ZNF385B: variants seen among roughly 807,000 people sequenced by gnomAD.
ZNF385B encodes zinc finger protein 533.
A neutral mutation model predicts 39.2 loss-of-function variants in ZNF385B; 23 were observed. That is an observed-to-expected ratio of 0.59 (90% CI 0.42 to 0.83). The LOEUF (loss-of-function observed/expected upper bound fraction) is 0.83. ZNF385B is among the 40% of genes least tolerant of loss of function. ZNF385B has a pLI of 0.00. For missense variants in ZNF385B, 552 were observed against 598.9 expected (o/e 0.92, Z 0.82); for synonymous variants, 205 against 222.6 (o/e 0.92, Z 0.70).
intron 1 of ZNF385B, among the ~76,000 whole-genome samples, chr2:179,849,788 T>C (rs1329310127): frequency 6.6e-6 from 1 of 152,170 alleles, no homozygotes; most frequent in Non-Finnish European, 1.5e-5. Flanking sequence ...TCAATTAGCT[T>C]ACAGTCTAGT....
intron 1 of ZNF385B, among the ~76,000 whole-genome samples, chr2:179,777,715 ATAAT>A (rs1042903815): frequency 9.9e-5 from 15 of 152,140 alleles, no homozygotes; most frequent in African/African-American, 3.6e-4. Flanking sequence ...CCTCAAAGAG[ATAAT>A]TAAGTAATAC....
chr2:179,547,874 T>C (rs952961014), intron 3 of ZNF385B, among the ~76,000 whole-genome samples: 1 of 149,706 alleles, frequency 6.7e-6, no homozygotes. Context: ...TTCCATTTCC[T>C]TGTGTGTGTC....
intron 3 of ZNF385B, among the ~76,000 whole-genome samples, chr2:179,712,804 T>C (rs1700085443): frequency 6.6e-6 from 1 of 152,230 alleles, no homozygotes; most frequent in Non-Finnish European, 1.5e-5. Context: ...CTCCCTTCAA[T>C]CCATTGTGTA....
intron 1 of ZNF385B, among the ~76,000 whole-genome samples, chr2:179,851,226 G>C (rs538520407): frequency 2.6e-5 from 4 of 152,318 alleles, no homozygotes; most frequent in South Asian, 2.1e-4. Flanking sequence ...CAAGGCAGGA[G>C]GACTGCTTGA....
At chr2:179,741,696 A>G (rs774148089) in intron 3 of ZNF385B, among the ~76,000 whole-genome samples, 3 of 152,118 alleles carry the variant, frequency 2.0e-5, no homozygotes, top group Non-Finnish European at 4.4e-5. Context: ...AAATCTACCT[A>G]TAAATATTTT....
At chr2:179,790,326 T>C (rs1004833972) in intron 1 of ZNF385B, among the ~76,000 whole-genome samples, 3 of 152,204 alleles carry the variant, frequency 2.0e-5, no homozygotes, top group African/African-American at 7.2e-5. Context: ...ATTGTTGTTA[T>C]TGACTGACAG....
At chr2:179,553,889 C>T (rs922076616) in intron 3 of ZNF385B, among the ~76,000 whole-genome samples, 2 of 148,524 alleles carry the variant, frequency 1.3e-5, no homozygotes, top group African/African-American at 5.1e-5. Context: ...ATTAAGATGA[C>T]ACAGGCAACA....
chr2:179,824,033 G>A (rs1575557952), intron 1 of ZNF385B, among the ~76,000 whole-genome samples: 1 of 152,084 alleles, frequency 6.6e-6, no homozygotes, highest in Admixed American at 6.6e-5. Flanking sequence ...TCATACCTTA[G>A]TATGAAGATC....
At chr2:179,651,567 C>G (rs1456093328) in intron 3 of ZNF385B, among the ~76,000 whole-genome samples, 2 of 152,140 alleles carry the variant, frequency 1.3e-5, no homozygotes, top group Non-Finnish European at 2.9e-5. Flanking sequence ...TTCCCAGTTA[C>G]TTGAATAGAC....
At chr2:179,758,822 C>T (rs549426477) in intron 3 of ZNF385B, among the ~76,000 whole-genome samples, 6 of 152,192 alleles carry the variant, frequency 3.9e-5, no homozygotes, top group South Asian at 2.1e-4. Flanking sequence ...TGCAGCTCCA[C>T]GGGTGTGCAC....
intron 6 of ZNF385B, among the ~76,000 whole-genome samples, chr2:179,460,270 G>C (rs1342638035): frequency 1.3e-5 from 2 of 152,140 alleles, no homozygotes; most frequent in African/African-American, 4.8e-5. Flanking sequence ...ATCTAACATG[G>C]CTGACTCCAT....
intron 3 of ZNF385B, among the ~76,000 whole-genome samples, chr2:179,623,255 T>C (rs531961002): frequency 6.6e-6 from 1 of 152,130 alleles, no homozygotes; most frequent in African/African-American, 2.4e-5. Context: ...GAGAGGAAAT[T>C]CTAGTGGACA....
chr2:179,523,693 G>T (rs2058670846), intron 4 of ZNF385B, among the ~76,000 whole-genome samples: 1 of 152,094 alleles, frequency 6.6e-6, no homozygotes, highest in Non-Finnish European at 1.5e-5. Context: ...AGTCTTAAAA[G>T]GATTTAACTA....
chr2:179,665,618 C>T (rs553523236), intron 3 of ZNF385B, among the ~76,000 whole-genome samples: 1 of 152,264 alleles, frequency 6.6e-6, no homozygotes, highest in African/African-American at 2.4e-5. Context: ...CAACATGGTT[C>T]GAACTAGTCA....
chr2:179,488,426 G>A (rs1241358885), intron 5 of ZNF385B, among the ~76,000 whole-genome samples: 1 of 152,200 alleles, frequency 6.6e-6, no homozygotes, highest in Non-Finnish European at 1.5e-5. Flanking sequence ...TTACAGGCGA[G>A]AGCCACTGCG....
At chr2:179,460,267 A>G (rs936961493) in intron 6 of ZNF385B, among the ~76,000 whole-genome samples, 1 of 152,184 alleles carries the variant, frequency 6.6e-6, no homozygotes, top group Admixed American at 6.5e-5. Context: ...GATATCTAAC[A>G]TGGCTGACTC....
rs537171157 is a variant in ZNF385B at position 179,538,215 on chromosome 2, C to T, written c.441+6612G>A. Among the ~76,000 whole-genome samples, 5 of 151,782 alleles carry T rather than the reference C, an allele frequency of 3.3e-5. No homozygotes were observed. The South Asian group carries it at 1.0e-3, about 32-fold the overall frequency. ...ATGACAGCAAGCACTATTAGAGTGA[C>T]GAAGACTCAAAGGGCAAAAATTAAC... On this transcript the variant is annotated intron_variant, in intron 4 of 9. Transcript: ENST00000410066.
At chr2:179,849,144 C>T (rs1206716784) in intron 1 of ZNF385B, among the ~76,000 whole-genome samples, 1 of 152,198 alleles carries the variant, frequency 6.6e-6, no homozygotes, top group African/African-American at 2.4e-5. Context: ...TATCCCAATG[C>T]CACCTCCCAA....
intron 3 of ZNF385B, among the ~76,000 whole-genome samples, chr2:179,575,015 G>A (rs1574864184): frequency 1.3e-5 from 2 of 151,944 alleles, no homozygotes; most frequent in South Asian, 2.1e-4. Flanking sequence ...TACCAACATC[G>A]GTCTTCTGCT....
Sources: allele counts gnomAD v4.1 joint callset (sites outside exome capture counted in the v4.1 genomes callset), GRCh38; gene constraint gnomAD v4.1.1; transcripts MANE v1.5; gene names NCBI Gene and HGNC (gene_info 2026-07-23, HGNC 2026-07-21).